Variants in TNRC6B observed in about 807,000 individuals in gnomAD.
TNRC6B encodes trinucleotide repeat containing adaptor 6B.
In TNRC6B, 52 loss-of-function variants were observed where a neutral mutation model predicts 203.6. That is an observed-to-expected ratio of 0.26 (90% CI 0.20 to 0.32). TNRC6B has a LOEUF of 0.32. Among genes scored for constraint, TNRC6B ranks in the 10% least tolerant of loss-of-function variants. The probability of loss-of-function intolerance (pLI) is 1.00; values close to 1 mark genes in which losing one functional copy is unlikely to be tolerated. For missense variants in TNRC6B, 1,923 were observed against 2,286.2 expected (o/e 0.84, Z 3.24); for synonymous variants, 838 against 845.7 (o/e 0.99, Z 0.16).
chr22:40,158,269 G>C (rs924591336), intron 4 of TNRC6B, among the ~76,000 whole-genome samples: 10 of 151,934 alleles, frequency 6.6e-5, no homozygotes, highest in African/African-American at 2.4e-4. Flanking sequence ...AACCCAGGAG[G>C]CAGAGGTTGC....
At chr22:40,225,071 A>C (rs991119158) in intron 1 of TNRC6B, among the ~76,000 whole-genome samples, 1 of 152,266 alleles carries the variant, frequency 6.6e-6, no homozygotes, top group Non-Finnish European at 1.5e-5. Flanking sequence ...TAGATGCCAG[A>C]TAATTTGCCC....
intron 4 of TNRC6B, among the ~76,000 whole-genome samples, chr22:40,262,810 C>T (rs1328141614): frequency 2.0e-5 from 3 of 151,920 alleles, no homozygotes; most frequent in African/African-American, 4.8e-5. Context: ...GAGGCCGAGG[C>T]GGGTGGATCA....
At chr22:40,282,259 T>TAA (rs1287924426) in intron 11 of TNRC6B, among the ~76,000 whole-genome samples, 2 of 152,242 alleles carry the variant, frequency 1.3e-5, no homozygotes, top group Non-Finnish European at 2.9e-5. Context: ...TGACACCAGT[T>TAA]AAGTTGCACA....
At chr22:40,153,074 C>T (rs778486212) in intron 3 of TNRC6B, among the ~76,000 whole-genome samples, 2 of 152,002 alleles carry the variant, frequency 1.3e-5, no homozygotes, top group Non-Finnish European at 2.9e-5. Context: ...TCTCTCCAGC[C>T]TGGGCAACAG....
chr22:40,297,293 C>T lies in TNRC6B; in HGVS notation c.3709-3162C>T, dbSNP rs369450354. ...GTTTCATATTGAAAGGAAGCTTTAG[C>T]GGCATATGACTAGATTATCCTCAGC... On this transcript the variant is annotated intron_variant, in intron 12 of 22. Coordinates refer to ENST00000454349, the MANE Select transcript of TNRC6B (RefSeq NM_001162501.2). 7.2e-5 allele frequency among the ~76,000 whole-genome samples: 11 copies of T among 152,080 alleles called. No homozygotes were observed. In the South Asian group the frequency reaches 1.0e-3, roughly 14 times the overall value.
At chr22:40,197,109 A>G (rs2069347042) in intron 1 of TNRC6B, among the ~76,000 whole-genome samples, 1 of 152,088 alleles carries the variant, frequency 6.6e-6, no homozygotes, top group African/African-American at 2.4e-5. Context: ...GAATCCCTGT[A>G]TTATAAAGTG....
intron 1 of TNRC6B, among the ~76,000 whole-genome samples, chr22:40,190,134 C>A (rs1221274775): frequency 1.3e-5 from 2 of 152,134 alleles, no homozygotes; most frequent in Non-Finnish European, 2.9e-5. Flanking sequence ...TAGGAATAAA[C>A]CTTATTTCAA....
chr22:40,057,780 G>GAA (rs2067812705), intron 1 of TNRC6B, among the ~76,000 whole-genome samples: 1 of 152,146 alleles, frequency 6.6e-6, no homozygotes, highest in African/African-American at 2.4e-5. Flanking sequence ...AGTAAAAGAT[G>GAA]AAACAGCTGC....
At chr22:40,157,113 T>C (rs116316711) in intron 4 of TNRC6B, among the ~76,000 whole-genome samples, 4 of 152,016 alleles carry the variant, frequency 2.6e-5, no homozygotes, top group Admixed American at 2.6e-4. Flanking sequence ...GGGAGTCTGT[T>C]GGGTAGCTTT....
At chr22:40,297,716 G>A (rs1347114680) in intron 12 of TNRC6B, among the ~76,000 whole-genome samples, 2 of 152,184 alleles carry the variant, frequency 1.3e-5, no homozygotes, top group East Asian at 3.9e-4. Context: ...CAGCTACTCA[G>A]GAGGCTGAGG....
At chr22:40,315,886 G>T in intron 20 of TNRC6B, 56 bp from the exon 21 acceptor site, 1 of 1,362,852 alleles carries the variant, frequency 7.3e-7, no homozygotes, top group Non-Finnish European at 1.0e-6. Flanking sequence ...CTCCCTCATG[G>T]CTTTTCTTGT....
In TNRC6B at chr22:40,285,775, G is replaced by A. The variant is rs769871548; in HGVS notation, c.3708+5G>A. 3.7e-6 allele frequency: 6 copies of A among 1,612,426 alleles called. No homozygotes were observed. Among genetic ancestry groups the A allele is most frequent in the African/African-American group, 1.3e-5 (1 of 74,782 alleles). ...CCCCAGTTTATTTCCCCCCAGGTAA[G>A]CAATTTTACGTTCCTGTGATTCAAA... On this transcript the variant is annotated splice_donor_5th_base_variant and intron_variant, in intron 12 of 22. Transcript: ENST00000454349.
intron 6 of TNRC6B, 75 bp from the exon 7 acceptor site, chr22:40,273,350 A>C: frequency 7.5e-7 from 1 of 1,341,716 alleles, no homozygotes; most frequent in South Asian, 1.6e-5. Flanking sequence ...TAAATGCTGC[A>C]TCTGCAAGGA....
intron 1 of TNRC6B, among the ~76,000 whole-genome samples, chr22:40,207,832 G>A (rs1392022660): frequency 6.6e-6 from 1 of 151,984 alleles, no homozygotes; most frequent in Non-Finnish European, 1.5e-5. Context: ...GAAAATACCG[G>A]CCAGGAGCAG....
intron 1 of TNRC6B, among the ~76,000 whole-genome samples, chr22:40,051,849 A>G (rs2067748145): frequency 6.6e-6 from 1 of 152,234 alleles, no homozygotes; most frequent in South Asian, 2.1e-4. Flanking sequence ...TAACATTTAA[A>G]TAGGTAATTG....
In TNRC6B at chr22:40,267,012, C is replaced by G. The variant is rs778080844; in HGVS notation, c.2782C>G (p.Pro928Ala). ...PAPREPNLPT[P>A]MTSKSASVWS... ...ACCTCGAGAACCAAACCTGCCCACC[C>G]CAATGACCAGTAAATCGGCATCAGG... is the stretch of plus-strand genomic sequence containing the variant. The change falls in exon 5 of 23, where the codon CCA becomes GCA. Residue 928 changes from proline (P) to alanine (A), a missense_variant. By Grantham distance (27) the Pro-to-Ala change is conservative (BLOSUM62 -1). Transcript: ENST00000454349. The G allele has an allele frequency of 6.2e-7, 1 of 1,603,600 alleles. No individual in the cohort carries two copies. Among genetic ancestry groups the G allele is most frequent in the South Asian group, 1.1e-5 (1 of 89,710 alleles).
intron 1 of TNRC6B, among the ~76,000 whole-genome samples, chr22:40,207,268 C>T (rs976129559): frequency 1.1e-4 from 17 of 151,818 alleles, no homozygotes; most frequent in African/African-American, 2.2e-4. Context: ...CATGGCTGGG[C>T]GCTGTGGCTC....
At chr22:40,189,607 T>C (rs574276749) in intron 1 of TNRC6B, among the ~76,000 whole-genome samples, 29 of 152,188 alleles carry the variant, frequency 1.9e-4, no homozygotes, top group Admixed American at 5.2e-4. Context: ...GCATTGGAAA[T>C]CTTAGTGATG....
chr22:40,184,071 G>C (rs989619663), intron 1 of TNRC6B, among the ~76,000 whole-genome samples: 1 of 152,086 alleles, frequency 6.6e-6, no homozygotes, highest in African/African-American at 2.4e-5. Flanking sequence ...AATTAATATG[G>C]GTGACAGAAA....
Sources: gnomAD v4.1 joint callset for allele counts (sites outside exome capture counted in the v4.1 genomes callset) on GRCh38, gnomAD v4.1.1 for gene constraint, MANE v1.5 for transcripts, NCBI Gene and HGNC (gene_info 2026-07-23, HGNC 2026-07-21) for gene names.